Variants in MYH14 observed in about 807,000 individuals in gnomAD.
The protein encoded by MYH14 is myosin heavy chain 14.
In MYH14, 123 loss-of-function variants were observed where a neutral mutation model predicts 255.5. That is an observed-to-expected ratio of 0.48 (90% CI 0.42 to 0.56). MYH14 has a LOEUF of 0.56. Among genes scored for constraint, MYH14 ranks in the 20% least tolerant of loss-of-function variants. The pLI is 0.00. For missense variants in MYH14, 2,423 were observed against 2,802.3 expected, an observed-to-expected ratio of 0.86 and a Z score of 3.06; for synonymous variants, 1,095 against 1,161.2, an observed-to-expected ratio of 0.94 and a Z score of 1.16.
chr19:50,220,694 A>G (rs1476227666), intron 3 of MYH14, among the ~76,000 whole-genome samples: 1 of 152,008 alleles, frequency 6.6e-6, no homozygotes, highest in Non-Finnish European at 1.5e-5. Context: ...CTGGGACTAC[A>G]GGCACATGCC....
intron 41 of MYH14, 95 bp from the exon 42 acceptor site, chr19:50,308,910 G>C (rs2036743823): frequency 8.3e-7 from 1 of 1,210,448 alleles, no homozygotes; most frequent in Non-Finnish European, 1.2e-6. Flanking sequence ...AGAGAGTCAG[G>C]GGGCAGTAGG....
chr19:50,226,755 C>A, intron 7 of MYH14, 148 bp from the exon 8 acceptor site: 1 of 737,276 alleles, frequency 1.4e-6, no homozygotes, highest in Non-Finnish European at 2.3e-6. Context: ...GGGGACTCAC[C>A]ACAGGATGGG....
chr19:50,305,081 C>A (rs1376373340), intron 40 of MYH14, among the ~76,000 whole-genome samples: 1 of 151,920 alleles, frequency 6.6e-6, no homozygotes, highest in African/African-American at 2.4e-5. Flanking sequence ...AGTGGGGAGC[C>A]CTGGGGGCAA....
intron 23 of MYH14, 109 bp from the exon 24 acceptor site, chr19:50,268,052 T>C: frequency 7.1e-7 from 1 of 1,404,340 alleles, no homozygotes; most frequent in Non-Finnish European, 9.5e-7. Context: ...CCCTCAGTCC[T>C]GCCCTGGAGA....
Position 50,230,820 on chromosome 19 carries a change from T to C in MYH14, c.973+197T>C. 1 of 578,830 alleles carries C rather than the reference T, an allele frequency of 1.7e-6. No homozygotes were observed. Among genetic ancestry groups the C allele is most frequent in the Non-Finnish European group, 3.1e-6 (1 of 323,998 alleles). 35.9% of individuals were successfully genotyped at this position (578,830 alleles called of 1,614,324 possible). Reference sequence around the variant, plus strand: ...ACGGTGGGTTCTGCTGCGCTCTGGTTCCAGCTCTGTCCCGGGTCTGGCTCG... The same window carrying C: ...ACGGTGGGTTCTGCTGCGCTCTGGTCCCAGCTCTGTCCCGGGTCTGGCTCG... On this transcript the variant is annotated intron_variant, in intron 9 of 42. Coordinates refer to ENST00000642316, the MANE Select transcript of MYH14 (RefSeq NM_001145809.2). The surrounding 1 kb of genome is among the most constrained non-coding windows in gnomAD (Gnocchi z 4.7).
intron 33 of MYH14, among the ~76,000 whole-genome samples, chr19:50,283,963 T>C (rs937738949): frequency 6.6e-6 from 1 of 151,870 alleles, no homozygotes; most frequent in Non-Finnish European, 1.5e-5. Context: ...TCCCAGCTAC[T>C]TGGGAGGCTG....
At chr19:50,223,728 G>T (rs1374929959) in intron 5 of MYH14, among the ~76,000 whole-genome samples, 2 of 152,162 alleles carry the variant, frequency 1.3e-5, no homozygotes, top group African/African-American at 4.8e-5. Flanking sequence ...TACCCCTCGG[G>T]TGGGGTGGGT....
intron 19 of MYH14, among the ~76,000 whole-genome samples, chr19:50,260,028 G>A (rs2034763424): frequency 6.6e-6 from 1 of 152,220 alleles, no homozygotes; most frequent in Non-Finnish European, 1.5e-5. Flanking sequence ...AGAATGGGAA[G>A]CCTTGTACAC....
At chr19:50,206,776 G>C (rs113512997) in intron 1 of MYH14, among the ~76,000 whole-genome samples, 9 of 152,136 alleles carry the variant, frequency 5.9e-5, no homozygotes, top group African/African-American at 2.2e-4. Flanking sequence ...GACTTCTCCA[G>C]GGGTATGTGG....
rs1301934814 is a variant in MYH14 at position 50,292,374 on chromosome 19, G to A, written c.5241G>A (p.Val1747=). 3 of 1,585,140 alleles carry A rather than the reference G, an allele frequency of 1.9e-6. No homozygotes were observed. Among genetic ancestry groups the A allele is most frequent in the Admixed American group, 1.8e-5 (1 of 55,228 alleles). ...EKRLKGLEAE[V]LRLQEELAAS... is the part of the protein sequence containing the mutation. The stretch of plus-strand genomic sequence containing the variant: ...GCCTCAAGGGCCTGGAGGCTGAGGT[G>A]CTGCGGCTGCAGGAGGTGAGGCTGG... Residue 1747 remains valine, a synonymous_variant, in exon 37 of 43, where the codon GTG becomes GTA. Coordinates refer to ENST00000642316, the MANE Select transcript of MYH14 (RefSeq NM_001145809.2).
chr19:50,241,636 T>A (rs184993587), intron 10 of MYH14, among the ~76,000 whole-genome samples: 2 of 123,562 alleles, frequency 1.6e-5, no homozygotes, highest in East Asian at 4.7e-4. Flanking sequence ...GAAAATTCAC[T>A]GTATATTAAT....
In MYH14 at chr19:50,289,441, T is replaced by A; in HGVS notation, c.4758T>A (p.His1586Gln). 6.2e-7 allele frequency: 1 copy of A among 1,607,410 alleles called. No individual in the cohort carries two copies. Among genetic ancestry groups the A allele is most frequent in the Non-Finnish European group, 8.5e-7 (1 of 1,177,330 alleles). ...SSKDDVGKSV[H>Q]ELERACRVAE... The stretch of plus-strand genomic sequence containing the variant: ...GCAGCTACTCTCCCCACCAGGTGCA[T>A]GAGCTGGAACGAGCCTGCCGGGTAG... Residue 1586 changes from histidine to glutamine, a missense_variant, in exon 35 of 43, where the codon CAT (histidine) becomes CAA (glutamine). Transcript: ENST00000642316.
intron 7 of MYH14, 101 bp from the exon 8 acceptor site, chr19:50,226,802 C>T (rs551885626): frequency 3.8e-5 from 42 of 1,117,988 alleles, no homozygotes; most frequent in Admixed American, 3.0e-4. Flanking sequence ...GGGGGGCAGC[C>T]GCAGCTCTGG....
At position 50,230,738 on chromosome 19, in the gene MYH14, C is replaced by T. The variant is rs2033337853; in HGVS notation, c.973+115C>T. 1.2e-6 allele frequency: 1 copy of T among 840,390 alleles called. No homozygotes were observed. 52.1% of individuals were successfully genotyped at this position (840,390 alleles called of 1,614,324 possible). On this transcript the variant is annotated intron_variant, in intron 9 of 42. Coordinates refer to ENST00000642316, the MANE Select transcript of MYH14 (RefSeq NM_001145809.2). The surrounding 1 kb of genome is among the most constrained non-coding windows in gnomAD (Gnocchi z 4.7). ...GGGGGCTCTAATATCCGTCAAACAC[C>T]GACTTCGCATGAGGCTCCCGCAGCC...
chr19:50,295,388 TC>T (rs1387854406), intron 39 of MYH14, among the ~76,000 whole-genome samples: 2 of 151,998 alleles, frequency 1.3e-5, no homozygotes, highest in Non-Finnish European at 2.9e-5. Flanking sequence ...ATGCCTGTAA[TC>T]TCAGCACTTT....
intron 39 of MYH14, among the ~76,000 whole-genome samples, chr19:50,296,714 G>A (rs1251540557): frequency 6.6e-6 from 1 of 152,220 alleles, no homozygotes; most frequent in African/African-American, 2.4e-5. Context: ...AACATTTTGC[G>A]ATACCCATTA....
chr19:50,227,861 C>T (rs2033184810), intron 8 of MYH14, among the ~76,000 whole-genome samples: 1 of 152,082 alleles, frequency 6.6e-6, no homozygotes, highest in Non-Finnish European at 1.5e-5. Flanking sequence ...CTCAGTTTCT[C>T]CCTCTGTAGA....
intron 2 of MYH14, among the ~76,000 whole-genome samples, chr19:50,211,788 C>G (rs2032207418): frequency 6.6e-6 from 1 of 151,368 alleles, no homozygotes; most frequent in Non-Finnish European, 1.5e-5. Flanking sequence ...TCGGGACCAT[C>G]CTGGGCATGG....
At chr19:50,262,470 A>G (rs2034918840) in intron 21 of MYH14, among the ~76,000 whole-genome samples, 1 of 151,776 alleles carries the variant, frequency 6.6e-6, no homozygotes, top group Non-Finnish European at 1.5e-5. Context: ...CTCGGGAAGC[A>G]GAGACTGCAG....
Sources: allele counts gnomAD v4.1 joint callset (sites outside exome capture counted in the v4.1 genomes callset), GRCh38; gene constraint gnomAD v4.1.1; non-coding constraint Gnocchi (gnomAD v3.1); transcripts MANE v1.5; gene names NCBI Gene and HGNC (gene_info 2026-07-23, HGNC 2026-07-21).